DCBLD1: variants seen among roughly 807,000 people sequenced by gnomAD.
The protein encoded by DCBLD1 is discoidin, CUB and LCCL domain-containing protein 1.
Under a neutral mutation model 71.5 loss-of-function variants are expected in DCBLD1, and 57 were observed. That is an observed-to-expected ratio of 0.80 (90% CI 0.64 to 0.99). The LOEUF (loss-of-function observed/expected upper bound fraction) is 0.99. DCBLD1 is among the 50% of genes least tolerant of loss of function. The pLI is 0.00. For synonymous variants in DCBLD1, 380 were observed against 363.8 expected, an observed-to-expected ratio of 1.04 and a Z score of -0.51; for missense variants, 891 against 923.5, an observed-to-expected ratio of 0.96 and a Z score of 0.46.
rs1249179889 is a variant in DCBLD1 at position 117,482,856 on chromosome 6, G to A, written c.75G>A (p.Ala25=). ...GGGGCCTCCTGGCTTTGCTGCTCGCGGTCTCCGCCCCGCTCCGGCTGCAGG... is the reference window on the plus strand; with the variant it reads ...GGGGCCTCCTGGCTTTGCTGCTCGCAGTCTCCGCCCCGCTCCGGCTGCAGG... ...AGRGLLALLL[A]VSAPLRLQAE... Residue 25 remains alanine, a synonymous_variant, in exon 1 of 15, where the codon GCG becomes GCA. Coordinates refer to ENST00000338728, the MANE Select transcript of DCBLD1 (RefSeq NM_001366458.2). The A allele has an allele frequency of 5.9e-6, 7 of 1,184,810 alleles. No individual in the cohort carries two copies. Among genetic ancestry groups the A allele is most frequent in the Non-Finnish European group, 7.3e-6 (7 of 958,012 alleles). The allele number at this position is 1,184,810 out of a possible 1,614,324, so 73.4% of individuals were successfully genotyped here.
Position 117,549,112 on chromosome 6 carries a change from C to T in DCBLD1, c.*673C>T. On this transcript the variant is annotated 3_prime_UTR_variant, in exon 15 of 15. Coordinates refer to ENST00000338728, the MANE Select transcript of DCBLD1 (RefSeq NM_001366458.2). ...ACAACACCTCAGCAGCTGCCCGTTT[C>T]CTTAGTCTCCACTTCAGAGGGGGAT... 1 of 985,866 alleles carries T rather than the reference C, an allele frequency of 1.0e-6. No homozygotes were observed. Among genetic ancestry groups the T allele is most frequent in the Non-Finnish European group, 1.2e-6 (1 of 830,318 alleles). The allele number at this position is 985,866 out of a possible 1,614,324, so 61.1% of individuals were successfully genotyped here.
At chr6:117,550,056 A>G (rs972127615), downstream of DCBLD1, among the ~76,000 whole-genome samples, 1 of 152,220 alleles carries the variant, frequency 6.6e-6, no homozygotes, top group Non-Finnish European at 1.5e-5. Flanking sequence ...AACATTTATC[A>G]AAGTGTTGTC....
At chr6:117,485,256 T>A (rs955769264) in intron 1 of DCBLD1, among the ~76,000 whole-genome samples, 3 of 152,244 alleles carry the variant, frequency 2.0e-5, no homozygotes, top group Non-Finnish European at 4.4e-5. Flanking sequence ...CACCACAAGA[T>A]TTGCAAATGG....
intron 1 of DCBLD1, among the ~76,000 whole-genome samples, chr6:117,502,304 A>G (rs551621278): frequency 3.3e-5 from 5 of 152,178 alleles, no homozygotes; most frequent in South Asian, 2.1e-4. Flanking sequence ...TTCTTAACCC[A>G]TTGGTCCATT....
intron 6 of DCBLD1, 85 bp downstream of exon 6, chr6:117,532,478 A>G (rs1414781510): frequency 6.9e-7 from 1 of 1,440,204 alleles, no homozygotes; most frequent in Non-Finnish European, 9.2e-7. Flanking sequence ...TTGAAAAGAC[A>G]GCAGGGATGT....
chr6:117,492,707 A>C (rs1177328091), intron 1 of DCBLD1, among the ~76,000 whole-genome samples: 4 of 152,212 alleles, frequency 2.6e-5, no homozygotes, highest in Admixed American at 2.0e-4. Context: ...AGTTTTCAGG[A>C]CTGGACTATG....
chr6:117,524,451 G>A (rs978278646), intron 4 of DCBLD1, among the ~76,000 whole-genome samples: 3 of 152,092 alleles, frequency 2.0e-5, no homozygotes, highest in Admixed American at 6.6e-5. Context: ...TTATCCACCC[G>A]CCTTGGCCTC....
intron 14 of DCBLD1, among the ~76,000 whole-genome samples, chr6:117,565,413 G>A (rs558550559): frequency 1.7e-3 from 262 of 152,254 alleles, no homozygotes; most frequent in African/African-American, 5.8e-3. Flanking sequence ...TGTGGAATTT[G>A]AAACCTTATC....
At chr6:117,558,469 T>C (rs1779524840) in intron 14 of DCBLD1, among the ~76,000 whole-genome samples, 7 of 152,244 alleles carry the variant, frequency 4.6e-5, no homozygotes, top group Admixed American at 4.6e-4. Flanking sequence ...TTAAATAAAA[T>C]GTTTTCCAAT....
exon 15 of DCBLD1, chr6:117,569,799 T>G: frequency 2.1e-6 from 3 of 1,429,366 alleles, no homozygotes; most frequent in Non-Finnish European, 2.8e-6. Flanking sequence ...CCGATTAATC[T>G]AGAGATAAAA....
At chr6:117,552,744 C>A (rs1252397841), downstream of DCBLD1, among the ~76,000 whole-genome samples, 1 of 152,142 alleles carries the variant, frequency 6.6e-6, no homozygotes, top group African/African-American at 2.4e-5. Flanking sequence ...AAACCACTCC[C>A]ACACATGTCC....
At chr6:117,531,477 G>A (rs1033342821) in intron 5 of DCBLD1, among the ~76,000 whole-genome samples, 2 of 152,098 alleles carry the variant, frequency 1.3e-5, no homozygotes, top group Non-Finnish European at 2.9e-5. Flanking sequence ...TCCCACAACC[G>A]CCTGTAAATC....
intron 14 of DCBLD1, among the ~76,000 whole-genome samples, chr6:117,555,724 A>G (rs369650442): frequency 6.6e-6 from 1 of 152,158 alleles, no homozygotes; most frequent in East Asian, 1.9e-4. Context: ...ACCCAGCACA[A>G]TCATCATTTT....
At chr6:117,542,390 A>T (rs1300649092) in intron 11 of DCBLD1, among the ~76,000 whole-genome samples, 1 of 152,130 alleles carries the variant, frequency 6.6e-6, no homozygotes, top group Non-Finnish European at 1.5e-5. Flanking sequence ...TTCTTCATGA[A>T]TTGCATTTTT....
intron 14 of DCBLD1, among the ~76,000 whole-genome samples, chr6:117,555,085 T>A (rs1779479936): frequency 6.6e-6 from 1 of 152,188 alleles, no homozygotes; most frequent in South Asian, 2.1e-4. Context: ...TTTGGTAATT[T>A]GTGGGGAGAG....
Position 117,548,310 on chromosome 6 carries a change from C to T in DCBLD1, c.2019C>T (p.Ala673=), listed in dbSNP as rs1406108243. Reference sequence around the variant, plus strand: ...ACGACCGGCCCAAAGCTGTCAGCGCCCTCGCCACCGAAAGCGGGCACCCTG... The same window carrying T: ...ACGACCGGCCCAAAGCTGTCAGCGCTCTCGCCACCGAAAGCGGGCACCCTG... ...RGYDRPKAVS[A]LATESGHPDS... Residue 673 remains alanine, a synonymous_variant, in exon 15 of 15, where the codon GCC becomes GCT. Transcript: ENST00000338728. 2.6e-6 allele frequency: 4 copies of T among 1,550,676 alleles called. No individual in the cohort carries two copies. In the African/African-American group the frequency reaches 5.5e-5, roughly 21 times the overall value.
intron 5 of DCBLD1, among the ~76,000 whole-genome samples, chr6:117,531,287 A>C (rs1778711555): frequency 6.6e-6 from 1 of 152,226 alleles, no homozygotes. Flanking sequence ...ATAGTCATGA[A>C]GAAGTGGAGC....
intron 1 of DCBLD1, among the ~76,000 whole-genome samples, chr6:117,485,660 C>T (rs1258564462): frequency 6.6e-6 from 1 of 152,182 alleles, no homozygotes; most frequent in African/African-American, 2.4e-5. Context: ...CAAAGGTGCT[C>T]AGTGTTCCTT....
chr6:117,545,745 A>G, intron 14 of DCBLD1, 148 bp downstream of exon 14: 1 of 1,204,522 alleles, frequency 8.3e-7, no homozygotes, highest in Non-Finnish European at 1.1e-6. Context: ...TCTGCACAGA[A>G]TTACAAACTG....
Sources: gnomAD v4.1 joint callset for allele counts (sites outside exome capture counted in the v4.1 genomes callset) on GRCh38, gnomAD v4.1.1 for gene constraint, MANE v1.5 for transcripts, NCBI Gene and HGNC (gene_info 2026-07-23, HGNC 2026-07-21) for gene names.